PCCB: variants seen among roughly 807,000 people sequenced by gnomAD.
PCCB encodes propionyl-CoA carboxylase subunit beta, also known as propionyl-CoA carboxylase beta chain, mitochondrial.
A neutral mutation model predicts 60.7 loss-of-function variants in PCCB; 43 were observed. The ratio of observed to expected loss-of-function variants is 0.71; its 90% CI spans 0.55 to 0.91. PCCB has a LOEUF of 0.91. PCCB is among the 40% of genes least tolerant of loss of function. The pLI is 0.00. For missense variants in PCCB, 766 were observed against 702.8 expected (o/e 1.09, Z -1.02); for synonymous variants, 276 against 255.9 (o/e 1.08, Z -0.75).
At chr3:136,319,997 A>G (rs1935054593) in intron 10 of PCCB, among the ~76,000 whole-genome samples, 2 of 152,188 alleles carry the variant, frequency 1.3e-5, no homozygotes, top group African/African-American at 2.4e-5. Context: ...CTTGTGGGAA[A>G]TCAACAGGCT....
chr3:136,273,597 C>CTTTTTTT, intron 5 of PCCB, among the ~76,000 whole-genome samples: 242 of 45,046 alleles, frequency 5.4e-3, no homozygotes, highest in Middle Eastern at 0.015. Flanking sequence ...TTTCTTTTTT[C>CTTTTTTT]TTTTTTTTTT....
chr3:136,250,419 G>A lies in PCCB; in HGVS notation c.44G>A (p.Ser15Asn). The change falls in exon 1 of 15, where the codon AGC becomes AAC. Residue 15 changes from serine to asparagine, a missense_variant. Physicochemically the swap from Ser to Asn is conservative, Grantham distance 46. Coordinates refer to ENST00000251654, the MANE Select transcript of PCCB (RefSeq NM_000532.5). ...GTGGCGGCGGTCGGGGCAAGGCTCA[G>A]CGTTCTGGCGAGCGGTCTCCGCGCC... is the stretch of plus-strand genomic sequence containing the variant. Reference protein sequence around the residue: ...LRVAAVGARLSVLASGLRAAV... With the variant: ...LRVAAVGARLNVLASGLRAAV... The A allele has an allele frequency of 6.3e-7, 1 of 1,585,848 alleles. No individual in the cohort carries two copies. Among genetic ancestry groups the A allele is most frequent in the Non-Finnish European group, 8.6e-7 (1 of 1,165,932 alleles).
chr3:136,255,990 G>C lies in PCCB; in HGVS notation c.303+15G>C. The C allele has an allele frequency of 6.2e-7, 1 of 1,614,052 alleles. No individual in the cohort carries two copies. Among genetic ancestry groups the C allele is most frequent in the Non-Finnish European group, 8.5e-7 (1 of 1,179,892 alleles). On this transcript the variant is annotated intron_variant, in intron 2 of 14. Transcript: ENST00000251654. ...ATAAGAATAAGGTATTTGTTCAAAT[G>C]GTGGTGTGAACACTTTTTAGGTGTG...
chr3:136,261,910 C>A (rs1941838381), intron 4 of PCCB, 42 bp from the exon 5 acceptor site: 1 of 1,327,478 alleles, frequency 7.5e-7, no homozygotes, highest in South Asian at 1.3e-5. Flanking sequence ...TTTTTTATAT[C>A]AAGAACATTT....
intron 10 of PCCB, among the ~76,000 whole-genome samples, chr3:136,325,988 A>G (rs1239292879): frequency 6.6e-6 from 1 of 151,270 alleles, no homozygotes; most frequent in Non-Finnish European, 1.5e-5. Context: ...TAATTTTTGT[A>G]TTTTTAGTAG....
rs530640284 is a variant in PCCB at position 136,279,793 on chromosome 3, G to A, written c.544-4044G>A. On this transcript the variant is annotated intron_variant, in intron 5 of 14. Coordinates refer to ENST00000251654, the MANE Select transcript of PCCB (RefSeq NM_000532.5). ...CGCCATTCTCCTGCCTCAGCCTCCC[G>A]TGTAGCTGGGACTACAGGCGCGCAC... Among the ~76,000 whole-genome samples, 8 of 151,956 alleles carry A rather than the reference G, an allele frequency of 5.3e-5. No individual in the cohort carries two copies. In the East Asian group the frequency reaches 1.2e-3, roughly 22 times the overall value.
intron 6 of PCCB, among the ~76,000 whole-genome samples, chr3:136,291,302 C>A (rs947935818): frequency 2.0e-5 from 3 of 152,162 alleles, no homozygotes; most frequent in Admixed American, 6.5e-5. Flanking sequence ...TTTCAAATTT[C>A]TGGTCTGATA....
At chr3:136,285,659 CTG>C (rs1414752235) in intron 6 of PCCB, among the ~76,000 whole-genome samples, 9 of 152,078 alleles carry the variant, frequency 5.9e-5, no homozygotes, top group African/African-American at 2.2e-4. Context: ...ATACCATACT[CTG>C]GCATTTCTTC....
rs1315425737 is a variant in PCCB at position 136,268,098 on chromosome 3, ATATATATATATATATATATATATG to A, written c.543+6053_543+6076del. 3.2e-4 allele frequency among the ~76,000 whole-genome samples: 37 copies of A among 115,496 alleles called. 1 individual carries two copies. Among genetic ancestry groups the A allele is most frequent in the African/African-American group, 1.4e-3 (36 of 26,026 alleles). 75.8% of individuals were successfully genotyped at this position (115,496 alleles called of 152,430 possible). A position where few individuals can be genotyped will look rare whatever the true frequency, so the allele number is the denominator to read the frequency against. On this transcript the variant is annotated intron_variant, in intron 5 of 14. Coordinates refer to ENST00000251654, the MANE Select transcript of PCCB (RefSeq NM_000532.5). ...TGTGTGTGTGTGTAGATATATATATATATATATATATATATATATATATGTATATATATATATATATATCTACAT... is the reference window on the plus strand; with the variant it reads ...TGTGTGTGTGTGTAGATATATATATATATATATATATATATATATCTACAT...
chr3:136,328,072 A>T (rs1216943951), intron 13 of PCCB, among the ~76,000 whole-genome samples: 1 of 152,286 alleles, frequency 6.6e-6, no homozygotes, highest in Admixed American at 6.5e-5. Flanking sequence ...GAAGTATTGG[A>T]CATTCTCCCA....
intron 5 of PCCB, among the ~76,000 whole-genome samples, chr3:136,262,292 A>G (rs887031904): frequency 2.0e-5 from 3 of 152,238 alleles, no homozygotes; most frequent in Non-Finnish European, 4.4e-5. Flanking sequence ...CACAGGGGAA[A>G]TTACAGTTAA....
rs1941839069 is a variant in PCCB at position 136,261,937 on chromosome 3, T to G, written c.430-15T>G. ...AGAACATTTGTCTCAATAAAAGATT[T>G]CTCTGCTGTCTCAGATCATGGACCA... On this transcript the variant is annotated splice_polypyrimidine_tract_variant and intron_variant, in intron 4 of 14. Coordinates refer to ENST00000251654, the MANE Select transcript of PCCB (RefSeq NM_000532.5). 6.8e-7 allele frequency: 1 copy of G among 1,479,732 alleles called. No homozygotes were observed. Among genetic ancestry groups the G allele is most frequent in the Non-Finnish European group, 9.3e-7 (1 of 1,080,560 alleles). 91.7% of individuals were successfully genotyped at this position (1,479,732 alleles called of 1,614,324 possible). A position where few individuals can be genotyped will look rare whatever the true frequency, so the allele number is the denominator to read the frequency against.
chr3:136,312,790 C>CA (rs1934720198), intron 9 of PCCB, among the ~76,000 whole-genome samples: 1 of 151,952 alleles, frequency 6.6e-6, no homozygotes, highest in Non-Finnish European at 1.5e-5. Context: ...CTCTTCATAG[C>CA]AAAAAACTAT....
intron 5 of PCCB, among the ~76,000 whole-genome samples, chr3:136,265,830 G>GTTT (rs112091595): frequency 7.1e-6 from 1 of 141,564 alleles, no homozygotes; most frequent in Non-Finnish European, 1.6e-5. Context: ...GTCTTTTTTT[G>GTTT]TTTTTTTTTT....
At chr3:136,252,913 T>G (rs1171024460) in intron 1 of PCCB, among the ~76,000 whole-genome samples, 1 of 151,496 alleles carries the variant, frequency 6.6e-6, no homozygotes, top group Non-Finnish European at 1.5e-5. Context: ...GTTTTGTTTT[T>G]TTTTTTTTAA....
intron 6 of PCCB, among the ~76,000 whole-genome samples, chr3:136,286,468 C>T (rs1195756939): frequency 6.6e-6 from 1 of 152,162 alleles, no homozygotes; most frequent in Non-Finnish European, 1.5e-5. Flanking sequence ...CCAAGCTTCT[C>T]CTGCATTGCT....
chr3:136,278,737 C>T (rs1291761603), intron 5 of PCCB, among the ~76,000 whole-genome samples: 1 of 152,168 alleles, frequency 6.6e-6, no homozygotes. Flanking sequence ...GAGAATGTTG[C>T]ATATGCACTT....
intron 6 of PCCB, among the ~76,000 whole-genome samples, chr3:136,290,295 C>A (rs1298523565): frequency 6.6e-6 from 1 of 152,146 alleles, no homozygotes; most frequent in Non-Finnish European, 1.5e-5. Context: ...TTGCAGAGCA[C>A]AGAATTCTAG....
At chr3:136,291,264 C>T (rs1299163203) in intron 6 of PCCB, among the ~76,000 whole-genome samples, 2 of 152,186 alleles carry the variant, frequency 1.3e-5, no homozygotes, top group Admixed American at 6.5e-5. Flanking sequence ...CATGCCATTA[C>T]ACCTGGCAAA....
Sources: allele counts gnomAD v4.1 joint callset (sites outside exome capture counted in the v4.1 genomes callset), GRCh38; gene constraint gnomAD v4.1.1; transcripts MANE v1.5; gene names NCBI Gene and HGNC (gene_info 2026-07-23, HGNC 2026-07-21).